THADA: variants seen among roughly 807,000 people sequenced by gnomAD.
THADA encodes tRNA (32-2'-O)-methyltransferase regulator THADA.
THADA carries 213 observed loss-of-function variants against 219.8 expected under a neutral mutation model. The observed-to-expected ratio is 0.97, with a 90% CI of 0.87 to 1.09. The LOEUF (loss-of-function observed/expected upper bound fraction) is 1.09, where lower values mean the gene tolerates loss of function less well. Ranked by LOEUF, THADA falls within the 50% of genes least tolerant of loss-of-function variation. The pLI, the probability that THADA is intolerant of heterozygous loss-of-function variation, is 0.00. For missense variants in THADA, 2,956 were observed against 2,311.3 expected, an observed-to-expected ratio of 1.28 and a Z score of -5.72; for synonymous variants, 1,018 against 828.9, an observed-to-expected ratio of 1.23 and a Z score of -3.92.
At chr2:43,489,742 C>T (rs1275884485) in intron 25 of THADA, among the ~76,000 whole-genome samples, 1 of 152,078 alleles carries the variant, frequency 6.6e-6, no homozygotes, top group African/African-American at 2.4e-5. Flanking sequence ...GTCAATGCCA[C>T]AAGCTCTAAT....
intron 22 of THADA, among the ~76,000 whole-genome samples, chr2:43,509,134 T>C (rs894188130): frequency 6.6e-6 from 1 of 152,220 alleles, no homozygotes; most frequent in African/African-American, 2.4e-5. Context: ...TATAAGTTTA[T>C]AGTTTACTAT....
At chr2:43,264,644 G>A (rs1313372294) in intron 36 of THADA, among the ~76,000 whole-genome samples, 1 of 152,150 alleles carries the variant, frequency 6.6e-6, no homozygotes, top group African/African-American at 2.4e-5. Context: ...GCTGTTCAAA[G>A]AGACTCAGTG....
chr2:43,475,440 A>C (rs909897230), intron 26 of THADA, among the ~76,000 whole-genome samples: 12 of 151,940 alleles, frequency 7.9e-5, no homozygotes, highest in African/African-American at 2.4e-4. Flanking sequence ...AAAAAAAAAA[A>C]AAAAAACCTA....
intron 21 of THADA, among the ~76,000 whole-genome samples, chr2:43,536,916 T>C (rs13417601): frequency 0.032 from 4,798 of 152,076 alleles, 270 homozygotes; most frequent in African/African-American, 0.11. Flanking sequence ...TGGCAAAGAG[T>C]AGCAAACAGT....
intron 22 of THADA, among the ~76,000 whole-genome samples, chr2:43,521,145 G>C (rs116216208): frequency 0.021 from 3,097 of 147,366 alleles, 129 homozygotes; most frequent in African/African-American, 0.074. Context: ...AGGTAGGGAA[G>C]GGAGGGAAGG....
At chr2:43,411,369 C>A (rs1558718380) in intron 28 of THADA, among the ~76,000 whole-genome samples, 1 of 152,290 alleles carries the variant, frequency 6.6e-6, no homozygotes, top group South Asian at 2.1e-4. Flanking sequence ...TTTAAGGACA[C>A]TTGACAGCTC....
At chr2:43,591,917 T>G (rs1254580661) in intron 3 of THADA, 35 bp downstream of exon 3, 1 of 1,401,780 alleles carries the variant, frequency 7.1e-7, no homozygotes. Flanking sequence ...ATGATACTCT[T>G]AAAGATGCAT....
intron 37 of THADA, among the ~76,000 whole-genome samples, chr2:43,232,334 A>T (rs1392633660): frequency 6.6e-6 from 1 of 151,932 alleles, no homozygotes; most frequent in Non-Finnish European, 1.5e-5. Context: ...ACCCACCACC[A>T]TGCCCGGCTA....
chr2:43,545,286 T>C (rs989546449), intron 20 of THADA, among the ~76,000 whole-genome samples: 23 of 151,882 alleles, frequency 1.5e-4, no homozygotes, highest in African/African-American at 3.2e-4. Context: ...CAGTATTTTA[T>C]TGAGGATTTT....
intron 22 of THADA, among the ~76,000 whole-genome samples, chr2:43,518,666 A>G (rs1692034003): frequency 6.6e-6 from 1 of 152,254 alleles, no homozygotes; most frequent in South Asian, 2.1e-4. Flanking sequence ...GAGTTTTAAC[A>G]ATAGTTATAA....
At chr2:43,232,670 C>T in intron 37 of THADA, 43 bp downstream of exon 37, 1 of 1,601,692 alleles carries the variant, frequency 6.2e-7, no homozygotes, top group Non-Finnish European at 8.5e-7. Flanking sequence ...GGGTTTAGGA[C>T]ACTCCAACCC....
At chr2:43,252,060 C>A (rs1006524285) in intron 36 of THADA, among the ~76,000 whole-genome samples, 4 of 152,166 alleles carry the variant, frequency 2.6e-5, no homozygotes, top group African/African-American at 9.7e-5. Flanking sequence ...CCATTCCCCA[C>A]AATCTCTCTT....
intron 36 of THADA, among the ~76,000 whole-genome samples, chr2:43,236,224 C>CT (rs1558445609): frequency 1.3e-5 from 2 of 152,196 alleles, no homozygotes; most frequent in Non-Finnish European, 2.9e-5. Flanking sequence ...AGATAGAACT[C>CT]TTAACTACCC....
intron 28 of THADA, among the ~76,000 whole-genome samples, chr2:43,427,503 T>TGTG (rs1678605130): frequency 7.1e-6 from 1 of 140,598 alleles, no homozygotes. Context: ...CTCCCAAAGT[T>TGTG]TGTGTGTGTG....
At chr2:43,487,221 A>G (rs1038772721) in intron 25 of THADA, among the ~76,000 whole-genome samples, 1 of 152,170 alleles carries the variant, frequency 6.6e-6, no homozygotes, top group African/African-American at 2.4e-5. Flanking sequence ...AAAGACTTTT[A>G]GGTCTAAGAT....
intron 24 of THADA, among the ~76,000 whole-genome samples, chr2:43,503,572 A>C (rs541017540): frequency 3.3e-5 from 5 of 152,240 alleles, no homozygotes; most frequent in Non-Finnish European, 7.3e-5. Context: ...AATCCACAGC[A>C]TAACTAACGG....
At chr2:43,575,331 T>C (rs773862543) in intron 10 of THADA, among the ~76,000 whole-genome samples, 12 of 152,106 alleles carry the variant, frequency 7.9e-5, no homozygotes, top group Non-Finnish European at 1.8e-4. Context: ...ACACCTACAG[T>C]CCCAGCTACT....
At position 43,470,827 on chromosome 2, in the gene THADA, G is replaced by A. The variant is rs537314467; in HGVS notation, c.3836+14407C>T. Among the ~76,000 whole-genome samples the A allele has an allele frequency of 8.5e-5, 13 of 152,310 alleles. No individual in the cohort carries two copies. The East Asian group carries it at 9.7e-4, about 11-fold the overall frequency. ...CATCCACCTGGCTTTGGAAGACTCC[G>A]CAGTTTCACTAGACTTAGCTAACCT... On this transcript the variant is annotated intron_variant, in intron 26 of 37. Transcript: ENST00000405975.
intron 36 of THADA, among the ~76,000 whole-genome samples, chr2:43,274,431 A>G (rs550808495): frequency 6.6e-6 from 1 of 152,340 alleles, no homozygotes; most frequent in South Asian, 2.1e-4. Context: ...TGAAAAATCA[A>G]TCCATTAACA....
Sources: allele counts gnomAD v4.1 joint callset (sites outside exome capture counted in the v4.1 genomes callset), GRCh38; gene constraint gnomAD v4.1.1; transcripts MANE v1.5; gene names NCBI Gene and HGNC (gene_info 2026-07-23, HGNC 2026-07-21).